Variants in WDPCP observed in about 807,000 individuals in gnomAD.
The protein encoded by WDPCP is WD repeat-containing and planar cell polarity effector protein fritz homolog.
In WDPCP, 71 loss-of-function variants were observed where a neutral mutation model predicts 93.1. The ratio of observed to expected loss-of-function variants is 0.76; its 90% confidence interval spans 0.63 to 0.93. The LOEUF is 0.93. WDPCP is among the 40% of genes least tolerant of loss of function. The pLI is 0.00. For missense variants in WDPCP, 844 were observed against 887.4 expected, an observed-to-expected ratio of 0.95 and a Z score of 0.62; for synonymous variants, 315 against 315.0, an observed-to-expected ratio of 1.00 and a Z score of 0.00.
intron 12 of WDPCP, among the ~76,000 whole-genome samples, chr2:63,346,797 T>C (rs913418013): frequency 5.9e-5 from 9 of 152,194 alleles, no homozygotes; most frequent in African/African-American, 2.2e-4. Flanking sequence ...AAAACTGCCA[T>C]GTTCCACTTG....
chr2:63,493,201 T>G (rs1701002344), intron 1 of WDPCP, among the ~76,000 whole-genome samples: 2 of 152,192 alleles, frequency 1.3e-5, no homozygotes, highest in South Asian at 4.1e-4. Flanking sequence ...ATATAGTATT[T>G]GGGTTTTCAA....
chr2:63,198,682 A>G (rs1020260369), intron 14 of WDPCP, among the ~76,000 whole-genome samples: 3 of 152,172 alleles, frequency 2.0e-5, no homozygotes, highest in African/African-American at 4.8e-5. Flanking sequence ...TGCCATGACT[A>G]TAAGTTTTCT....
At chr2:63,199,825 A>G (rs1461864637) in intron 14 of WDPCP, among the ~76,000 whole-genome samples, 1 of 152,180 alleles carries the variant, frequency 6.6e-6, no homozygotes, top group East Asian at 1.9e-4. Flanking sequence ...AGACCCCAGA[A>G]TGGTAGATAC....
chr2:63,129,907 ATTAT>A (rs1335097692), intron 17 of WDPCP, among the ~76,000 whole-genome samples: 2 of 152,152 alleles, frequency 1.3e-5, no homozygotes, highest in Non-Finnish European at 2.9e-5. Context: ...GTTATACTGT[ATTAT>A]TTAGGGAATA....
At chr2:63,346,771 A>T (rs987690941) in intron 12 of WDPCP, among the ~76,000 whole-genome samples, 4 of 151,758 alleles carry the variant, frequency 2.6e-5, no homozygotes, top group South Asian at 2.1e-4. Context: ...TCTTCCCTGA[A>T]CTCCAACTAA....
chr2:63,158,446 A>G (rs1672415560), intron 15 of WDPCP, among the ~76,000 whole-genome samples: 1 of 152,126 alleles, frequency 6.6e-6, no homozygotes, highest in African/African-American at 2.4e-5. Flanking sequence ...TTTCTTGATA[A>G]ATTGGCTCTT....
intron 4 of WDPCP, among the ~76,000 whole-genome samples, 177 bp downstream of exon 4, chr2:63,486,365 G>C (rs1466087422): frequency 6.6e-6 from 1 of 151,522 alleles, no homozygotes; most frequent in African/African-American, 2.4e-5. Context: ...AGATTTCAAC[G>C]ATCTAAATTA....
chr2:63,131,394 G>A (rs980059490), intron 17 of WDPCP, among the ~76,000 whole-genome samples: 18 of 151,602 alleles, frequency 1.2e-4, no homozygotes, highest in South Asian at 2.1e-4. Flanking sequence ...TTGTGATTAC[G>A]TAACACATTT....
At chr2:63,680,914 G>C (rs1205547530) in intron 2 of WDPCP, among the ~76,000 whole-genome samples, 1 of 152,044 alleles carries the variant, frequency 6.6e-6, no homozygotes, top group Non-Finnish European at 1.5e-5. Flanking sequence ...CCTAGCTCCT[G>C]GACAACATAT....
rs375929897 is a variant in WDPCP at position 63,534,746 on chromosome 2, C to G, written c.76-41806G>C. Among the ~76,000 whole-genome samples, 34 of 152,270 alleles carry G rather than the reference C, an allele frequency of 2.2e-4. No homozygotes were observed. In the East Asian group the frequency reaches 3.7e-3, roughly 16 times the overall value. ...ACAGCTATTTATGACAAACCCACAG[C>G]CAATATCATACTGAATGGGCAAAAA... On this transcript the variant is annotated intron_variant, in intron 1 of 17. Transcript: ENST00000272321.
chr2:63,365,284 T>C (rs756421497), intron 12 of WDPCP, among the ~76,000 whole-genome samples: 2 of 152,204 alleles, frequency 1.3e-5, no homozygotes, highest in Non-Finnish European at 2.9e-5. Flanking sequence ...TGCTATGCTC[T>C]ACTAAAGGGA....
At chr2:63,588,991 A>C, upstream of WDPCP, 1 of 1,613,844 alleles carries the variant, frequency 6.2e-7, no homozygotes, top group Non-Finnish European at 8.5e-7. Context: ...AGGTGACCTG[A>C]CTCTCTGAGG....
intron 13 of WDPCP, among the ~76,000 whole-genome samples, chr2:63,301,610 A>T (rs1412988105): frequency 6.6e-6 from 1 of 152,146 alleles, no homozygotes; most frequent in African/African-American, 2.4e-5. Flanking sequence ...GGTAAGCATG[A>T]CTAATCCCAA....
At chr2:63,554,269 T>C (rs1417125804) in intron 1 of WDPCP, among the ~76,000 whole-genome samples, 1 of 152,238 alleles carries the variant, frequency 6.6e-6, no homozygotes, top group African/African-American at 2.4e-5. Context: ...TATGTATTTT[T>C]GGCAAGAATA....
At chr2:63,640,696 G>A (rs1200029053) in intron 3 of WDPCP, among the ~76,000 whole-genome samples, 1 of 152,102 alleles carries the variant, frequency 6.6e-6, no homozygotes, top group Non-Finnish European at 1.5e-5. Context: ...TGGGTACATA[G>A]TAAGTGTATA....
intron 3 of WDPCP, among the ~76,000 whole-genome samples, chr2:63,633,668 A>G (rs762747286): frequency 1.3e-5 from 2 of 152,212 alleles, no homozygotes; most frequent in Non-Finnish European, 2.9e-5. Context: ...AAGACAGGAA[A>G]GAAGGAAGAA....
At chr2:63,360,190 T>C (rs1558516437) in intron 12 of WDPCP, 1 of 152,240 alleles carries the variant, frequency 6.6e-6, no homozygotes. Context: ...GAATCATTTT[T>C]CCTCCAAACA....
At chr2:63,657,204 TG>T (rs1388479702) in intron 2 of WDPCP, among the ~76,000 whole-genome samples, 1 of 88,744 alleles carries the variant, frequency 1.1e-5, no homozygotes, top group African/African-American at 5.1e-5. Context: ...TTCTGGGTGA[TG>T]TTTTTTTTTT....
chr2:63,338,003 G>A (rs1688510893), intron 12 of WDPCP, among the ~76,000 whole-genome samples: 1 of 151,898 alleles, frequency 6.6e-6, no homozygotes, highest in Non-Finnish European at 1.5e-5. Context: ...TTTTGCTTGA[G>A]GTAATCTCAT....
Sources: gnomAD v4.1 joint callset for allele counts (sites outside exome capture counted in the v4.1 genomes callset) on GRCh38, gnomAD v4.1.1 for gene constraint, MANE v1.5 for transcripts, NCBI Gene and HGNC (gene_info 2026-07-23, HGNC 2026-07-21) for gene names.